The following NELL2 variants were observed in gnomAD, a reference collection of about 807,000 sequenced individuals.
The protein encoded by NELL2 is protein kinase C-binding protein NELL2.
NELL2 carries 41 observed loss-of-function variants against 109.6 expected under a neutral mutation model. That is an observed-to-expected ratio of 0.37 (90% CI 0.29 to 0.49). NELL2 has a LOEUF of 0.49. Ranked by LOEUF, NELL2 falls within the 20% of genes least tolerant of loss-of-function variation. The pLI is 0.98. For synonymous variants in NELL2, 355 were observed against 344.7 expected (o/e 1.03, Z -0.33); for missense variants, 900 against 1,008.3 (o/e 0.89, Z 1.45).
At chr12:44,594,345 G>C (rs1054480693) in intron 15 of NELL2, among the ~76,000 whole-genome samples, 10 of 151,634 alleles carry the variant, frequency 6.6e-5, no homozygotes, top group Non-Finnish European at 1.3e-4. Context: ...TACAAATGTA[G>C]AATAAAAAAG....
intron 2 of NELL2, among the ~76,000 whole-genome samples, chr12:44,847,074 A>G (rs1212426988): frequency 6.6e-6 from 1 of 152,210 alleles, no homozygotes; most frequent in East Asian, 1.9e-4. Flanking sequence ...CAGAACTCAG[A>G]GTATTACATA....
At chr12:44,807,875 T>G (rs1943053397) in intron 3 of NELL2, among the ~76,000 whole-genome samples, 1 of 152,058 alleles carries the variant, frequency 6.6e-6, no homozygotes, top group Non-Finnish European at 1.5e-5. Context: ...TGCTCCTTAA[T>G]GACAGTTGCT....
chr12:44,644,121 A>G (rs1489854886), intron 13 of NELL2, among the ~76,000 whole-genome samples: 7 of 152,214 alleles, frequency 4.6e-5, no homozygotes, highest in African/African-American at 1.7e-4. Flanking sequence ...CACAGAGGCC[A>G]GTGCAAGATT....
Position 44,605,583 on chromosome 12 carries a change from C to T in NELL2, c.1663+1586G>A, listed in dbSNP as rs139719204. On this transcript the variant is annotated intron_variant, in intron 15 of 19. Transcript: ENST00000429094. Reference sequence around the variant, plus strand: ...TACATTGCCAGTATTAATTTTATGCCATTCCAGATTTCTACAATCTTGTGA... The same window carrying T: ...TACATTGCCAGTATTAATTTTATGCTATTCCAGATTTCTACAATCTTGTGA... 1.9e-3 allele frequency among the ~76,000 whole-genome samples: 286 copies of T among 152,234 alleles called. 1 individual carries two copies. The highest frequency in any genetic ancestry group is 6.3e-3 in the African/African-American group (260 of 41,544).
chr12:44,749,038 G>T (rs1310846298), intron 9 of NELL2, among the ~76,000 whole-genome samples: 1 of 152,078 alleles, frequency 6.6e-6, no homozygotes, highest in Non-Finnish European at 1.5e-5. Context: ...AGCCTTGCAC[G>T]ATGAAATCAG....
chr12:44,662,972 A>C (rs1489935700), intron 13 of NELL2, among the ~76,000 whole-genome samples: 1 of 152,174 alleles, frequency 6.6e-6, no homozygotes, highest in Non-Finnish European at 1.5e-5. Context: ...TCCTACTACA[A>C]GTATGTGGGT....
intron 1 of NELL2, among the ~76,000 whole-genome samples, chr12:44,888,037 G>A (rs1945493847): frequency 6.6e-6 from 1 of 151,982 alleles, no homozygotes; most frequent in Non-Finnish European, 1.5e-5. Context: ...TAGCAGACTA[G>A]TTTCAATCTT....
chr12:44,803,179 T>G (rs1942889537), intron 3 of NELL2, among the ~76,000 whole-genome samples: 1 of 152,016 alleles, frequency 6.6e-6, no homozygotes, highest in Non-Finnish European at 1.5e-5. Context: ...AGGCCTATAC[T>G]TCTAAGACCA....
intron 13 of NELL2, among the ~76,000 whole-genome samples, chr12:44,620,955 C>G (rs530851698): frequency 6.6e-6 from 1 of 152,154 alleles, no homozygotes; most frequent in Non-Finnish European, 1.5e-5. Context: ...CTCTCTTCCT[C>G]TCTCTTAATT....
intron 2 of NELL2, among the ~76,000 whole-genome samples, chr12:44,837,977 T>A (rs1944106962): frequency 6.6e-6 from 1 of 152,204 alleles, no homozygotes; most frequent in Non-Finnish European, 1.5e-5. Flanking sequence ...TTTCTAAAGA[T>A]GTGAACTATG....
intron 12 of NELL2, among the ~76,000 whole-genome samples, chr12:44,694,520 A>AACACACACACACAC (rs60024794): frequency 7.8e-4 from 113 of 144,390 alleles, no homozygotes; most frequent in African/African-American, 2.0e-3. Flanking sequence ...CACACATACA[A>AACACACACACACAC]ACACACACAC....
intron 15 of NELL2, among the ~76,000 whole-genome samples, chr12:44,576,859 T>C (rs1395533131): frequency 6.6e-6 from 1 of 150,776 alleles, no homozygotes; most frequent in Non-Finnish European, 1.5e-5. Flanking sequence ...TCCACGTCCC[T>C]ACAAAGGACA....
chr12:44,839,844 G>A (rs371569752), intron 2 of NELL2, among the ~76,000 whole-genome samples: 15 of 152,106 alleles, frequency 9.9e-5, no homozygotes, highest in African/African-American at 3.4e-4. Flanking sequence ...TCTATCAGTT[G>A]GGCTTAGTTA....
intron 2 of NELL2, among the ~76,000 whole-genome samples, chr12:44,832,585 T>A (rs1943921286): frequency 6.6e-6 from 1 of 152,212 alleles, no homozygotes. Flanking sequence ...CGCCTTTTCA[T>A]AACAAAGAGC....
At chr12:44,897,790 G>A (rs1029036222) in intron 1 of NELL2, among the ~76,000 whole-genome samples, 8 of 151,764 alleles carry the variant, frequency 5.3e-5, no homozygotes, top group African/African-American at 1.7e-4. Flanking sequence ...CTGGAAAAGA[G>A]GCTGAAGCCA....
intron 9 of NELL2, among the ~76,000 whole-genome samples, chr12:44,721,879 A>G (rs1488945852): frequency 6.6e-6 from 1 of 152,148 alleles, no homozygotes; most frequent in East Asian, 1.9e-4. Flanking sequence ...AAATTTTTCA[A>G]TGCAGTTTCA....
upstream of NELL2, chr12:44,876,353 T>G: frequency 8.7e-7 from 1 of 1,143,352 alleles, no homozygotes; most frequent in Non-Finnish European, 1.1e-6. Context: ...AGACTGCTCC[T>G]CCGGGGAGGG....
intron 13 of NELL2, among the ~76,000 whole-genome samples, chr12:44,617,514 C>T (rs1289882433): frequency 2.6e-5 from 3 of 116,916 alleles, no homozygotes; most frequent in South Asian, 4.4e-4. Flanking sequence ...GGTGAAACCC[C>T]GTCTCTACTA....
intron 11 of NELL2, among the ~76,000 whole-genome samples, chr12:44,708,581 A>C (rs1041215929): frequency 2.6e-5 from 4 of 152,200 alleles, no homozygotes; most frequent in Non-Finnish European, 5.9e-5. Flanking sequence ...TGAAAACTTG[A>C]CTTCTTTTAG....
Sources: gnomAD v4.1 joint callset for allele counts (sites outside exome capture counted in the v4.1 genomes callset) on GRCh38, gnomAD v4.1.1 for gene constraint, MANE v1.5 for transcripts, NCBI Gene and HGNC (gene_info 2026-07-23, HGNC 2026-07-21) for gene names.